The following OPCML variants were observed in gnomAD, a reference collection of about 807,000 sequenced individuals.
The protein encoded by OPCML is opioid binding protein/cell adhesion molecule like.
OPCML carries 13 observed loss-of-function variants against 37.8 expected under a neutral mutation model. The ratio of observed to expected loss-of-function variants is 0.34; its 90% confidence interval spans 0.22 to 0.55. OPCML has a LOEUF of 0.55. Among genes scored for constraint, OPCML ranks in the 20% least tolerant of loss-of-function variants. The pLI, the probability that OPCML is intolerant of heterozygous loss-of-function variation, is 0.91. For missense variants in OPCML, 341 were observed against 435.6 expected, an observed-to-expected ratio of 0.78 and a Z score of 1.93; for synonymous variants, 176 against 168.8, an observed-to-expected ratio of 1.04 and a Z score of -0.33.
chr11:132,955,134 T>G (rs1388611574), intron 1 of OPCML, among the ~76,000 whole-genome samples: 1 of 152,098 alleles, frequency 6.6e-6, no homozygotes, highest in Non-Finnish European at 1.5e-5. Flanking sequence ...CGAGCTTAGC[T>G]GTGAAAACAT....
At chr11:133,240,228 A>AC (rs1189544303) in intron 1 of OPCML, among the ~76,000 whole-genome samples, 1 of 151,080 alleles carries the variant, frequency 6.6e-6, no homozygotes, top group South Asian at 2.1e-4. Context: ...AAAAAAAAAA[A>AC]AAAAAAACAG....
chr11:132,915,547 T>C (rs1023382008), intron 2 of OPCML, among the ~76,000 whole-genome samples: 3 of 152,182 alleles, frequency 2.0e-5, no homozygotes, highest in African/African-American at 7.2e-5. Context: ...CATTCAAATC[T>C]CTAATTTGTA....
At chr11:133,143,194 G>A (rs1949850303) in intron 1 of OPCML, among the ~76,000 whole-genome samples, 2 of 152,154 alleles carry the variant, frequency 1.3e-5, no homozygotes, top group African/African-American at 2.4e-5. Context: ...ATGAGCAATA[G>A]CCTACAGCGA....
intron 1 of OPCML, among the ~76,000 whole-genome samples, chr11:133,286,217 G>A (rs1042512843): frequency 1.3e-5 from 2 of 152,082 alleles, no homozygotes; most frequent in Non-Finnish European, 2.9e-5. Context: ...TTGGGAGGCC[G>A]AGGTGGGCGG....
intron 1 of OPCML, among the ~76,000 whole-genome samples, chr11:133,504,845 A>T (rs1947993017): frequency 6.6e-6 from 1 of 152,264 alleles, no homozygotes; most frequent in South Asian, 2.1e-4. Context: ...ACAAAATGTC[A>T]TTAGCCTCAT....
intron 1 of OPCML, among the ~76,000 whole-genome samples, chr11:133,140,212 A>ATAATAG (rs1188399732): frequency 1.4e-5 from 2 of 141,022 alleles, no homozygotes; most frequent in Non-Finnish European, 3.0e-5. Context: ...AATAATAATA[A>ATAATAG]TAATAATAAT....
intron 2 of OPCML, among the ~76,000 whole-genome samples, chr11:132,705,677 C>T (rs1944003837): frequency 6.6e-6 from 1 of 152,154 alleles, no homozygotes; most frequent in Non-Finnish European, 1.5e-5. Flanking sequence ...TGCAAGCTCC[C>T]ACTTGACCTT....
chr11:133,471,640 A>G (rs145684967), intron 1 of OPCML, among the ~76,000 whole-genome samples: 194 of 152,316 alleles, frequency 1.3e-3, no homozygotes, highest in African/African-American at 4.4e-3. Context: ...ACAAGAGTAA[A>G]AAACCGGAGT....
At chr11:132,596,481 C>T (rs1194207579) in intron 3 of OPCML, among the ~76,000 whole-genome samples, 4 of 151,936 alleles carry the variant, frequency 2.6e-5, no homozygotes, top group Admixed American at 6.6e-5. Flanking sequence ...AGGAAAGAAA[C>T]ATAGAAAGGG....
At chr11:132,998,678 T>TG (rs913548743) in intron 1 of OPCML, among the ~76,000 whole-genome samples, 1 of 152,132 alleles carries the variant, frequency 6.6e-6, no homozygotes, top group African/African-American at 2.4e-5. Context: ...AAGGTGAAGG[T>TG]GGGGGCTCTT....
At chr11:132,612,715 G>A (rs1217750229) in intron 3 of OPCML, among the ~76,000 whole-genome samples, 2 of 152,210 alleles carry the variant, frequency 1.3e-5, no homozygotes, top group African/African-American at 4.8e-5. Context: ...TAGGGTTGAG[G>A]TGCTGTAGGA....
At chr11:132,551,196 C>A (rs774845874) in intron 3 of OPCML, among the ~76,000 whole-genome samples, 1 of 152,104 alleles carries the variant, frequency 6.6e-6, no homozygotes, top group Non-Finnish European at 1.5e-5. Context: ...GTCTGTGCCC[C>A]GATGTGATTG....
At chr11:133,338,595 C>T (rs1385326381) in intron 1 of OPCML, among the ~76,000 whole-genome samples, 1 of 152,228 alleles carries the variant, frequency 6.6e-6, no homozygotes, top group African/African-American at 2.4e-5. Flanking sequence ...CACAAAAAGG[C>T]TCAGAAGGCA....
chr11:132,483,573 G>C (rs1465214038), intron 4 of OPCML, among the ~76,000 whole-genome samples: 1 of 152,072 alleles, frequency 6.6e-6, no homozygotes, highest in Non-Finnish European at 1.5e-5. Flanking sequence ...CTACTTTAAA[G>C]TTCATATGGA....
At chr11:133,048,728 C>T (rs1347496843) in intron 1 of OPCML, among the ~76,000 whole-genome samples, 1 of 152,182 alleles carries the variant, frequency 6.6e-6, no homozygotes, top group East Asian at 1.9e-4. Context: ...AGATGCTTTG[C>T]TGTTATGCCC....
At chr11:132,766,459 A>G (rs1187986561) in intron 2 of OPCML, among the ~76,000 whole-genome samples, 2 of 152,304 alleles carry the variant, frequency 1.3e-5, no homozygotes, top group African/African-American at 2.4e-5. Context: ...ACTTTCATGT[A>G]TATGGTATTC....
intron 2 of OPCML, among the ~76,000 whole-genome samples, chr11:132,712,185 G>A (rs1944291623): frequency 6.6e-6 from 1 of 152,116 alleles, no homozygotes; most frequent in African/African-American, 2.4e-5. Flanking sequence ...GATGTTGTCG[G>A]CAATTGATTT....
chr11:132,973,145 T>C (rs1039526518), intron 1 of OPCML, among the ~76,000 whole-genome samples: 30 of 152,276 alleles, frequency 2.0e-4, no homozygotes, highest in African/African-American at 7.0e-4. Flanking sequence ...CAATGAGGTC[T>C]CTTCATCCTC....
intron 2 of OPCML, among the ~76,000 whole-genome samples, chr11:132,807,510 C>T (rs11223219): frequency 0.22 from 33,907 of 152,040 alleles, 4,781 homozygotes; most frequent in Non-Finnish European, 0.33. Context: ...TTTATAAATC[C>T]ACGGGTAAAT....
Sources: allele counts gnomAD v4.1 joint callset (sites outside exome capture counted in the v4.1 genomes callset), GRCh38; gene constraint gnomAD v4.1.1; transcripts MANE v1.5; gene names NCBI Gene and HGNC (gene_info 2026-07-23, HGNC 2026-07-21).